Variants in ACER3 observed in about 807,000 individuals in gnomAD.
ACER3 encodes the protein alkCDase 3.
ACER3 carries 16 observed loss-of-function variants against 48.9 expected under a neutral mutation model. The ratio of observed to expected loss-of-function variants is 0.33; its 90% CI spans 0.22 to 0.50. The LOEUF (loss-of-function observed/expected upper bound fraction) is 0.50. Ranked by LOEUF, ACER3 falls within the 20% of genes least tolerant of loss-of-function variation. ACER3 has a pLI of 0.98. For missense variants in ACER3, 227 were observed against 326.0 expected, an observed-to-expected ratio of 0.70 and a Z score of 2.34; for synonymous variants, 109 against 107.8, an observed-to-expected ratio of 1.01 and a Z score of -0.07.
intron 3 of ACER3, among the ~76,000 whole-genome samples, chr11:76,970,462 C>T (rs1948268385): frequency 6.6e-6 from 1 of 152,018 alleles, no homozygotes; most frequent in Non-Finnish European, 1.5e-5. Flanking sequence ...GTATGATAGT[C>T]ATAAAATTCA....
At chr11:76,954,830 G>A (rs1947793805) in intron 2 of ACER3, among the ~76,000 whole-genome samples, 1 of 152,010 alleles carries the variant, frequency 6.6e-6, no homozygotes, top group African/African-American at 2.4e-5. Flanking sequence ...TCAAACTCCT[G>A]AGCTCAAGGG....
intron 2 of ACER3, among the ~76,000 whole-genome samples, chr11:76,953,092 GA>G (rs1425057236): frequency 6.6e-6 from 1 of 152,106 alleles, no homozygotes. Flanking sequence ...AGGCAAAGCA[GA>G]CTCGAGTTAA....
At chr11:77,009,181 A>G (rs1949211991) in intron 7 of ACER3, among the ~76,000 whole-genome samples, 1 of 152,226 alleles carries the variant, frequency 6.6e-6, no homozygotes, top group Non-Finnish European at 1.5e-5. Context: ...TTTAGGCTTT[A>G]CAGAAAGCAT....
In ACER3 at chr11:76,962,406, G is replaced by C. The variant is rs1048459394; in HGVS notation, c.267+3375G>C. 4.0e-5 allele frequency among the ~76,000 whole-genome samples: 6 copies of C among 151,128 alleles called. 2 individuals carry two copies. Among genetic ancestry groups the C allele is most frequent in the African/African-American group, 1.5e-4 (6 of 40,418 alleles). On this transcript the variant is annotated intron_variant, in intron 3 of 10. Coordinates refer to ENST00000532485, the MANE Select transcript of ACER3 (RefSeq NM_018367.7). The stretch of plus-strand genomic sequence containing the variant: ...CGCTAATTTTTGTATTTTTAGTAGA[G>C]ACGGGGTTTCACCACATTGGCCAGG...
chr11:76,910,422 T>C (rs1480256273), intron 1 of ACER3, among the ~76,000 whole-genome samples: 1 of 152,182 alleles, frequency 6.6e-6, no homozygotes, highest in East Asian at 1.9e-4. Flanking sequence ...TCTAAGATAT[T>C]TCACCCTATC....
intron 1 of ACER3, among the ~76,000 whole-genome samples, chr11:76,886,486 G>A (rs1423553487): frequency 2.6e-5 from 4 of 152,156 alleles, no homozygotes; most frequent in African/African-American, 9.7e-5. Flanking sequence ...ACACTTAGGA[G>A]ATACGTTAGC....
At chr11:76,971,455 A>T (rs1472753220) in intron 3 of ACER3, among the ~76,000 whole-genome samples, 3 of 151,786 alleles carry the variant, frequency 2.0e-5, no homozygotes, top group Admixed American at 6.6e-5. Flanking sequence ...CAGGAGAATC[A>T]CTTGAACCCG....
intron 3 of ACER3, among the ~76,000 whole-genome samples, chr11:76,961,241 T>G (rs1947987295): frequency 6.6e-6 from 1 of 152,128 alleles, no homozygotes; most frequent in South Asian, 2.1e-4. Flanking sequence ...AAAACTAGAA[T>G]GAGCTCTGTG....
chr11:77,011,974 A>G (rs922108395), intron 7 of ACER3, among the ~76,000 whole-genome samples: 33 of 152,212 alleles, frequency 2.2e-4, no homozygotes, highest in South Asian at 2.1e-4. Flanking sequence ...TAGTCATGAC[A>G]TGTATTTTTT....
In ACER3 at chr11:77,020,499, G is replaced by T; in HGVS notation, c.*172G>T. 1 of 643,138 alleles carries T rather than the reference G, an allele frequency of 1.6e-6. No individual in the cohort carries two copies. The highest frequency in any genetic ancestry group is 2.0e-5 in the South Asian group (1 of 50,592). The allele number at this position is 643,138 out of a possible 1,614,324, so 39.8% of individuals were successfully genotyped here. Reference sequence around the variant, plus strand: ...GAGAATAAGGAGTAGGGCCTGCTGGGTGTTTAGCTCATGGCTTTATCTTAT... The same window carrying T: ...GAGAATAAGGAGTAGGGCCTGCTGGTTGTTTAGCTCATGGCTTTATCTTAT... On this transcript the variant is annotated 3_prime_UTR_variant, in exon 11 of 11. Transcript: ENST00000532485.
At chr11:76,911,273 A>G (rs1946370689) in intron 1 of ACER3, among the ~76,000 whole-genome samples, 1 of 152,160 alleles carries the variant, frequency 6.6e-6, no homozygotes. Flanking sequence ...AGGGGCGGGC[A>G]ATTCCTGGAA....
At chr11:76,916,987 A>G (rs569002142) in intron 1 of ACER3, among the ~76,000 whole-genome samples, 1 of 152,298 alleles carries the variant, frequency 6.6e-6, no homozygotes, top group Admixed American at 6.5e-5. Context: ...CCTAAGCCGT[A>G]TCTGATATGG....
chr11:76,882,796 CTGACT>C (rs1055221772), intron 1 of ACER3, among the ~76,000 whole-genome samples: 2 of 152,204 alleles, frequency 1.3e-5, no homozygotes, highest in Non-Finnish European at 2.9e-5. Context: ...GTTATCTTGA[CTGACT>C]TGACTTGAAC....
chr11:77,016,441 T>A (rs879972097), intron 8 of ACER3, among the ~76,000 whole-genome samples: 14 of 152,130 alleles, frequency 9.2e-5, no homozygotes, highest in Non-Finnish European at 2.1e-4. Context: ...CAAAAAGATA[T>A]GAGAGAGAGA....
chr11:76,914,831 T>C (rs941583925), intron 1 of ACER3, among the ~76,000 whole-genome samples: 9 of 152,116 alleles, frequency 5.9e-5, no homozygotes, highest in East Asian at 1.9e-4. Context: ...ATTAAGAAAA[T>C]GTGGCACATA....
intron 7 of ACER3, among the ~76,000 whole-genome samples, chr11:76,999,583 T>C (rs1671741234): frequency 6.6e-6 from 1 of 152,162 alleles, no homozygotes. Context: ...AGGATGTCTA[T>C]GTTGCCCTTT....
chr11:76,993,160 G>C (rs747995287), intron 6 of ACER3, among the ~76,000 whole-genome samples: 2 of 152,152 alleles, frequency 1.3e-5, no homozygotes, highest in Non-Finnish European at 2.9e-5. Context: ...ACAGGTGTGA[G>C]CCACTGTGCC....
chr11:76,997,733 G>T (rs1242379072), intron 6 of ACER3, among the ~76,000 whole-genome samples: 1 of 152,152 alleles, frequency 6.6e-6, no homozygotes, highest in African/African-American at 2.4e-5. Flanking sequence ...AGCTACTTGA[G>T]AGGCTGAGGC....
chr11:77,017,356 T>C (rs944047836), intron 9 of ACER3, among the ~76,000 whole-genome samples: 5 of 151,848 alleles, frequency 3.3e-5, no homozygotes, highest in East Asian at 3.9e-4. Flanking sequence ...TGCCAACCAA[T>C]TGGATGACTT....
Sources: allele counts gnomAD v4.1 joint callset (sites outside exome capture counted in the v4.1 genomes callset), GRCh38; gene constraint gnomAD v4.1.1; transcripts MANE v1.5; gene names NCBI Gene and HGNC (gene_info 2026-07-23, HGNC 2026-07-21).